The following TACC3 variants were observed in gnomAD, a reference collection of about 807,000 sequenced individuals.
TACC3 encodes transforming acidic coiled-coil-containing protein 3.
TACC3 carries 52 observed loss-of-function variants against 86.0 expected under a neutral mutation model. The observed-to-expected ratio is 0.60, with a 90% CI of 0.48 to 0.76. The LOEUF is 0.76. TACC3 is among the 30% of genes least tolerant of loss of function. TACC3 has a pLI of 0.00. For missense variants in TACC3, 1,120 were observed against 1,070.4 expected, an observed-to-expected ratio of 1.05 and a Z score of -0.65; for synonymous variants, 512 against 430.0, an observed-to-expected ratio of 1.19 and a Z score of -2.36.
Position 1,739,615 on chromosome 4 carries a change from G to A in TACC3, c.1942-87G>A, listed in dbSNP as rs907152407. 70 of 1,258,406 alleles carry A rather than the reference G, an allele frequency of 5.6e-5. No individual in the cohort carries two copies. The East Asian group carries it at 1.3e-3, about 24-fold the overall frequency. The allele number at this position is 1,258,406 out of a possible 1,614,324, so 78.0% of individuals were successfully genotyped here. A position where few individuals can be genotyped will look rare whatever the true frequency, so the allele number is the denominator to read the frequency against. ...TCTGGGACATTGCTCCAGGGACCTC[G>A]GGTGCGGGCTGGCCCCATCCTGTGG... On this transcript the variant is annotated intron_variant, in intron 10 of 15. Coordinates refer to ENST00000313288, the MANE Select transcript of TACC3 (RefSeq NM_006342.3).
chr4:1,725,631 C>T (rs1446794428), intron 3 of TACC3, among the ~76,000 whole-genome samples: 4 of 152,226 alleles, frequency 2.6e-5, no homozygotes, highest in Non-Finnish European at 4.4e-5. Context: ...ACCCAGCAGC[C>T]TCCATAGGGC....
At position 1,723,516 on chromosome 4, in the gene TACC3, G is replaced by T. The variant is rs745719491; in HGVS notation, c.95G>T (p.Arg32Ile). 5 of 1,613,816 alleles carry T rather than the reference G, an allele frequency of 3.1e-6. No individual in the cohort carries two copies. Among genetic ancestry groups the T allele is most frequent in the Non-Finnish European group, 4.2e-6 (5 of 1,180,010 alleles). The change falls in exon 2 of 16, where the codon AGA becomes ATA. Residue 32 changes from arginine to isoleucine, a missense_variant. Coordinates refer to ENST00000313288, the MANE Select transcript of TACC3 (RefSeq NM_006342.3). ...FLFSPPEVTG[R>I]SSVLRVSQKE... The stretch of plus-strand genomic sequence containing the variant: ...TTTTCGCCACCAGAAGTTACCGGAA[G>T]ATCGTCTGTTCTTCGTGTGTCACAG...
rs144647657 is a variant in TACC3, at chr4:1,727,985, G to A, written c.583G>A (p.Val195Met). 2.0e-5 allele frequency: 32 copies of A among 1,613,022 alleles called. No homozygotes were observed. The East Asian group carries it at 5.3e-4, about 27-fold the overall frequency. Residue 195 changes from valine (V) to methionine (M), a missense_variant, in exon 4 of 16, where the codon GTG becomes ATG. Transcript: ENST00000313288. ...TAGTTCCTATTCCTTAGACAGAAGA[G>A]TGACACCCGCCTCTGAGACCCTAGA... ...NLSSYSLDRRVTPASETLEDP... is the reference protein window; with the variant it reads ...NLSSYSLDRRMTPASETLEDP...
intron 4 of TACC3, among the ~76,000 whole-genome samples, chr4:1,728,995 A>G (rs1189337057): frequency 6.6e-6 from 1 of 152,198 alleles, no homozygotes; most frequent in Non-Finnish European, 1.5e-5. Flanking sequence ...GCATCTCTTT[A>G]GTGCTCCTGG....
At position 1,727,805 on chromosome 4, in the gene TACC3, GC is replaced by G. The variant is rs761489492; in HGVS notation, c.405del (p.Phe136LeufsTer56). On this transcript the variant is annotated frameshift_variant, in exon 4 of 16. Transcript: ENST00000313288. LOFTEE classifies it high-confidence loss of function. ...CGACCTCCTGGGGGATGCAAGCCCA[GC>G]CTTTGGGAGTGGCAGCTCCAGCGAG... is the stretch of plus-strand genomic sequence containing the variant. Reference protein sequence around the residue: ...DTDLLGDASPAFGSGSSSESG... With the variant: ...DTDLLGDASPXFGSGSSSESG... 1 of 1,613,394 alleles carries G rather than the reference GC, an allele frequency of 6.2e-7. No homozygotes were observed. The highest frequency in any genetic ancestry group is 8.5e-7 in the Non-Finnish European group (1 of 1,180,002).
chr4:1,741,190 G>A, intron 13 of TACC3: 1 of 491,302 alleles, frequency 2.0e-6, no homozygotes, highest in East Asian at 3.4e-5. Context: ...GGCGGCAGGA[G>A]GCAGAGTGAG....
In TACC3 at chr4:1,740,321, G is replaced by A. The variant is rs922338435; in HGVS notation, c.2062+319G>A. 23 of 493,440 alleles carry A rather than the reference G, an allele frequency of 4.7e-5. 1 individual carries two copies. Among genetic ancestry groups the A allele is most frequent in the East Asian group, 1.1e-4 (3 of 28,532 alleles). The allele number at this position is 493,440 out of a possible 1,614,324, so 30.6% of individuals were successfully genotyped here. The stretch of plus-strand genomic sequence containing the variant: ...TACCCCACTCCACCCTGCCCTCGCC[G>A]TGCGGCTATGTCTAGCAGCAGCCTC... On this transcript the variant is annotated intron_variant, in intron 12 of 15. Coordinates refer to ENST00000313288, the MANE Select transcript of TACC3 (RefSeq NM_006342.3).
chr4:1,733,516 T>TG (rs34974184), intron 6 of TACC3, among the ~76,000 whole-genome samples: 116,342 of 151,800 alleles, frequency 0.77, 44,794 homozygotes, highest in East Asian at 0.86. Context: ...TTTTATTACC[T>TG]GGCATGGTGG....
At chr4:1,727,585 G>A in intron 3 of TACC3, 123 bp from the exon 4 acceptor site, 2 of 1,471,992 alleles carry the variant, frequency 1.4e-6, no homozygotes, top group Non-Finnish European at 1.8e-6. Flanking sequence ...GGGAAGCCGT[G>A]CCAAGGGTGA....
Position 1,737,438 on chromosome 4 carries a change from G to A in TACC3, c.1836+110G>A, listed in dbSNP as rs1718332881. On this transcript the variant is annotated intron_variant, in intron 9 of 15. Coordinates refer to ENST00000313288, the MANE Select transcript of TACC3 (RefSeq NM_006342.3). ...GGGGTCTGAGCCTTTGGTTTTGTTG[G>A]GGGCATGGGGCCGCTGTGCTGTTCC... 13 of 1,194,994 alleles carry A rather than the reference G, an allele frequency of 1.1e-5. No individual in the cohort carries two copies. The Admixed American group carries it at 2.7e-4, about 25-fold the overall frequency. 74.0% of individuals were successfully genotyped at this position (1,194,994 alleles called of 1,614,324 possible).
intron 9 of TACC3, 95 bp downstream of exon 9, chr4:1,737,423 C>T: frequency 7.5e-7 from 1 of 1,340,932 alleles, no homozygotes; most frequent in Non-Finnish European, 1.1e-6. Flanking sequence ...GGGGTCTGAG[C>T]CTTTGGTTTT....
chr4:1,743,061 A>G lies in TACC3; in HGVS notation c.2224-1457A>G, dbSNP rs537139748. Among the ~76,000 whole-genome samples, 26 of 151,994 alleles carry G rather than the reference A, an allele frequency of 1.7e-4. No homozygotes were observed. In the South Asian group the frequency reaches 5.2e-3, roughly 30 times the overall value. On this transcript the variant is annotated intron_variant, in intron 13 of 15. Transcript: ENST00000313288. ...GGAGGATCATGAGGTCAGGAGTTCA[A>G]GACCATTCTGGCCAACATGGTGAAA...
intron 8 of TACC3, 53 bp from the exon 9 acceptor site, chr4:1,737,188 C>G: frequency 6.9e-7 from 1 of 1,439,804 alleles, no homozygotes; most frequent in South Asian, 1.1e-5. Context: ...CCTCTGTGTC[C>G]TACTCAACAC....
intron 13 of TACC3, among the ~76,000 whole-genome samples, chr4:1,743,987 G>T (rs1392200309): frequency 6.6e-6 from 1 of 152,196 alleles, no homozygotes; most frequent in East Asian, 1.9e-4. Context: ...GAAGAAGGCA[G>T]GTAGGCTGAG....
At chr4:1,744,478 G>C in intron 13 of TACC3, 40 bp from the exon 14 acceptor site, 1 of 1,584,914 alleles carries the variant, frequency 6.3e-7, no homozygotes, top group East Asian at 2.2e-5. Flanking sequence ...CTCTCCAGCA[G>C]ACGGCGTGGT....
intron 13 of TACC3, among the ~76,000 whole-genome samples, chr4:1,744,062 G>A (rs551246278): frequency 6.6e-6 from 1 of 152,292 alleles, no homozygotes; most frequent in Admixed American, 6.5e-5. Flanking sequence ...CAGTCACTGA[G>A]CGGAAGGTGC....
At chr4:1,740,121 A>G in intron 12 of TACC3, 119 bp downstream of exon 12, 1 of 983,316 alleles carries the variant, frequency 1.0e-6, no homozygotes, top group Non-Finnish European at 1.6e-6. Context: ...TTCCTAACAC[A>G]CGAGTCCCTT....
intron 10 of TACC3, chr4:1,738,214 G>T (rs1419425760): frequency 7.2e-6 from 2 of 279,688 alleles, no homozygotes; most frequent in Non-Finnish European, 1.4e-5. Flanking sequence ...ACACAAAGGG[G>T]CTGGGTGTCT....
chr4:1,728,658 G>A lies in TACC3; in HGVS notation c.1256G>A (p.Gly419Glu), dbSNP rs774072244. 6 of 1,613,884 alleles carry A rather than the reference G, an allele frequency of 3.7e-6. No individual in the cohort carries two copies. Among genetic ancestry groups the A allele is most frequent in the Non-Finnish European group, 5.1e-6 (6 of 1,180,028 alleles). ...GATGACCCAAACTTCATCCCGTTCG[G>A]AGGTGACACCAAGTCTGGTTGCAGT... Reference protein sequence around the residue: ...KMDDPNFIPFGGDTKSGCSEA... With the variant: ...KMDDPNFIPFEGDTKSGCSEA... The change falls in exon 4 of 16, where the codon GGA (glycine) becomes GAA (glutamate). Residue 419 changes from glycine (G) to glutamate (E), a missense_variant. By Grantham distance (98) the Gly-to-Glu change is moderately conservative (BLOSUM62 -2). Coordinates refer to ENST00000313288, the MANE Select transcript of TACC3 (RefSeq NM_006342.3).
Sources: gnomAD v4.1 joint callset for allele counts (sites outside exome capture counted in the v4.1 genomes callset) on GRCh38, gnomAD v4.1.1 for gene constraint, MANE v1.5 for transcripts, NCBI Gene and HGNC (gene_info 2026-07-23, HGNC 2026-07-21) for gene names.